The following MRPL21 variants were observed in gnomAD, a reference collection of about 807,000 sequenced individuals.
MRPL21 encodes large ribosomal subunit protein bL21m.
MRPL21 carries 20 observed loss-of-function variants against 27.3 expected under a neutral mutation model. The ratio of observed to expected loss-of-function variants is 0.73; its 90% CI spans 0.52 to 1.06. The LOEUF is 1.06. Among genes scored for constraint, MRPL21 ranks in the 50% least tolerant of loss-of-function variants. The pLI, the probability that MRPL21 is intolerant of heterozygous loss-of-function variation, is 0.00. For missense variants in MRPL21, 249 were observed against 251.4 expected (o/e 0.99, Z 0.06); for synonymous variants, 98 against 101.5 (o/e 0.97, Z 0.21).
intron 1 of MRPL21, among the ~76,000 whole-genome samples, chr11:68,902,830 C>A (rs976815539): frequency 3.3e-5 from 5 of 151,850 alleles, no homozygotes; most frequent in Non-Finnish European, 5.9e-5. Context: ...CCTCTTACCC[C>A]CCATGTAACT....
chr11:68,894,399 GC>G (rs1857733326), intron 4 of MRPL21, among the ~76,000 whole-genome samples: 1 of 152,106 alleles, frequency 6.6e-6, no homozygotes, highest in African/African-American at 2.4e-5. Context: ...TCCTGCCTCA[GC>G]CCCCTGAGTA....
At chr11:68,897,823 G>A in intron 3 of MRPL21, 104 bp downstream of exon 3, 1 of 815,866 alleles carries the variant, frequency 1.2e-6, no homozygotes, top group Non-Finnish European at 2.1e-6. Flanking sequence ...GGGAGCATCT[G>A]GAAACATGAA....
chr11:68,900,324 G>C lies in MRPL21; in HGVS notation c.146+224C>G, dbSNP rs996768148. ...AAAAAAGTTAAAGCTGAAAGTGGTGGTGCATGCCTGTAATCCCAGCTACTC... is the reference window on the plus strand; with the variant it reads ...AAAAAAGTTAAAGCTGAAAGTGGTGCTGCATGCCTGTAATCCCAGCTACTC... On this transcript the variant is annotated intron_variant, in intron 2 of 6. Coordinates refer to ENST00000362034, the MANE Select transcript of MRPL21 (RefSeq NM_181514.2). Among the ~76,000 whole-genome samples the C allele has an allele frequency of 6.6e-5, 10 of 152,196 alleles. No homozygotes were observed. In the East Asian group the frequency reaches 1.9e-3, roughly 29 times the overall value.
Position 68,891,377 on chromosome 11 carries a change from G to A in MRPL21, c.572C>T (p.Thr191Ile). ...KKKRIVTTPQTVLRINSIEIA... is the reference protein window; with the variant it reads ...KKKRIVTTPQIVLRINSIEIA... ...CTCAATGCTGTTTATCCGGAGGACA[G>A]TCTGCGGGGTCGTGACGACTGAAAG... Residue 191 changes from threonine (T) to isoleucine (I), a missense_variant, in exon 7 of 7, where the codon ACT (threonine) becomes ATT (isoleucine). Coordinates refer to ENST00000362034, the MANE Select transcript of MRPL21 (RefSeq NM_181514.2). 1 of 1,614,086 alleles carries A rather than the reference G, an allele frequency of 6.2e-7. No individual in the cohort carries two copies. Among genetic ancestry groups the A allele is most frequent in the Non-Finnish European group, 8.5e-7 (1 of 1,180,018 alleles).
intron 4 of MRPL21, 171 bp downstream of exon 4, chr11:68,896,344 G>A: frequency 1.3e-6 from 1 of 798,482 alleles, no homozygotes; most frequent in South Asian, 1.7e-5. Context: ...CCTGCCCTTG[G>A]ACCCCAGCCC....
intron 1 of MRPL21, 117 bp downstream of exon 1, chr11:68,903,606 A>G: frequency 1.9e-6 from 2 of 1,065,406 alleles, no homozygotes; most frequent in Middle Eastern, 2.5e-4. Context: ...TGCTATATTC[A>G]CCACAAATGC....
At chr11:68,901,327 G>A (rs1287680068) in intron 1 of MRPL21, among the ~76,000 whole-genome samples, 1 of 152,164 alleles carries the variant, frequency 6.6e-6, no homozygotes, top group Non-Finnish European at 1.5e-5. Flanking sequence ...CAGAACTGGT[G>A]TGAGTTAATA....
At chr11:68,895,869 G>A (rs912367223) in intron 4 of MRPL21, among the ~76,000 whole-genome samples, 2 of 152,002 alleles carry the variant, frequency 1.3e-5, no homozygotes, top group Non-Finnish European at 2.9e-5. Context: ...TGAGGTCTCT[G>A]AGGTCTCACC....
intron 2 of MRPL21, among the ~76,000 whole-genome samples, chr11:68,898,728 T>C (rs916602261): frequency 6.6e-6 from 1 of 152,126 alleles, no homozygotes; most frequent in Non-Finnish European, 1.5e-5. Context: ...TCAGCAGCTA[T>C]AGCACTGCGG....
intron 6 of MRPL21, chr11:68,891,889 C>G: frequency 2.0e-6 from 1 of 488,908 alleles, no homozygotes; most frequent in Non-Finnish European, 3.5e-6. Flanking sequence ...AGCCGCTCAG[C>G]TATGTGGCCC....
chr11:68,891,932 A>C, intron 6 of MRPL21: 1 of 577,828 alleles, frequency 1.7e-6, no homozygotes, highest in Non-Finnish European at 2.7e-6. Context: ...CAGGATGCCC[A>C]CTATGGGGGA....
intron 6 of MRPL21, chr11:68,891,908 T>C: frequency 2.0e-6 from 1 of 502,622 alleles, no homozygotes. Flanking sequence ...CCATGCCCCG[T>C]GGGTGCCATC....
In MRPL21 at chr11:68,903,796, G is replaced by T. The variant is rs375521802; in HGVS notation, c.15C>A (p.Ser5=). Residue 5 remains serine, a synonymous_variant, in exon 1 of 7, where the codon TCC becomes TCA. Transcript: ENST00000362034. The part of the protein sequence containing the change: MAAS[S]LTVTLGRLAS... ...CCAGCCGCCCTAAGGTGACCGTCAG[G>T]GAAGATGCTGCCATGGCCGCAGCCT... 8 of 1,502,348 alleles carry T rather than the reference G, an allele frequency of 5.3e-6. No individual in the cohort carries two copies. The highest frequency in any genetic ancestry group is 7.3e-6 in the Non-Finnish European group (8 of 1,100,994). 93.1% of individuals were successfully genotyped at this position (1,502,348 alleles called of 1,614,324 possible).
intron 6 of MRPL21, chr11:68,891,981 G>A (rs1857656486): frequency 8.1e-6 from 7 of 868,948 alleles, no homozygotes; most frequent in Admixed American, 3.7e-5. Flanking sequence ...CCCTACACCT[G>A]CTTGCGGATT....
In MRPL21 at chr11:68,891,505, C is replaced by T; in HGVS notation, c.554-110G>A. The T allele has an allele frequency of 3.0e-6, 3 of 999,986 alleles. No homozygotes were observed. The South Asian group carries it at 3.8e-5, about 13-fold the overall frequency. The allele number at this position is 999,986 out of a possible 1,614,324, so 61.9% of individuals were successfully genotyped here. On this transcript the variant is annotated intron_variant, in intron 6 of 6. Transcript: ENST00000362034. ...CAGCCAGCGCGACCCCGGCAACGTC[C>T]CCTGCTGCACATGGCCGTGTTTATC...
Position 68,903,649 on chromosome 11 carries a change from G to A in MRPL21, c.88+74C>T. On this transcript the variant is annotated intron_variant, in intron 1 of 6. Transcript: ENST00000362034. ...ACACAAGGCACCAGGTCGGACCCAGGCACATACGTGGCGAGACCGCAGGGA... is the reference window on the plus strand; with the variant it reads ...ACACAAGGCACCAGGTCGGACCCAGACACATACGTGGCGAGACCGCAGGGA... The A allele has an allele frequency of 1.3e-6, 2 of 1,491,448 alleles. 1 individual carries two copies. The highest frequency in any genetic ancestry group is 2.3e-5 in the South Asian group (2 of 88,832). 92.4% of individuals were successfully genotyped at this position (1,491,448 alleles called of 1,614,324 possible).
intron 1 of MRPL21, among the ~76,000 whole-genome samples, chr11:68,900,906 G>T (rs529118009): frequency 2.6e-5 from 4 of 152,352 alleles, no homozygotes; most frequent in Admixed American, 1.3e-4. Flanking sequence ...GTGCCCAAGC[G>T]TGGGAGCAGC....
In MRPL21 at chr11:68,898,178, C is replaced by T. The variant is rs562147955; in HGVS notation, c.147-166G>A. Among the ~76,000 whole-genome samples, 12 of 152,372 alleles carry T rather than the reference C, an allele frequency of 7.9e-5. No individual in the cohort carries two copies. The East Asian group carries it at 2.3e-3, about 29-fold the overall frequency. ...TGGGGTAACCCCGAGGACAGGCTCC[C>T]TGTATCCTTTTAGAACCACAGGGAA... On this transcript the variant is annotated intron_variant, in intron 2 of 6. Transcript: ENST00000362034.
chr11:68,903,339 C>T (rs1436829090), intron 1 of MRPL21, among the ~76,000 whole-genome samples: 2 of 152,180 alleles, frequency 1.3e-5, no homozygotes, highest in Non-Finnish European at 2.9e-5. Context: ...ATATCCATCA[C>T]CATTTTTCAG....
Sources: allele counts gnomAD v4.1 joint callset (sites outside exome capture counted in the v4.1 genomes callset), GRCh38; gene constraint gnomAD v4.1.1; transcripts MANE v1.5; gene names NCBI Gene and HGNC (gene_info 2026-07-23, HGNC 2026-07-21).